TRIM2: variants seen among roughly 807,000 people sequenced by gnomAD.
TRIM2 encodes tripartite motif containing 2, also known as tripartite motif-containing protein 2.
Under a neutral mutation model 75.2 loss-of-function variants are expected in TRIM2, and 20 were observed. The observed-to-expected ratio is 0.27, with a 90% CI of 0.19 to 0.39. The LOEUF (loss-of-function observed/expected upper bound fraction) is 0.39. Ranked by LOEUF, TRIM2 falls within the 10% of genes least tolerant of loss-of-function variation. TRIM2 has a pLI of 1.00. For synonymous variants in TRIM2, 373 were observed against 388.3 expected (o/e 0.96, Z 0.46); for missense variants, 660 against 990.8 (o/e 0.67, Z 4.48).
chr4:153,319,964 C>G (rs1768570618), intron 8 of TRIM2, among the ~76,000 whole-genome samples: 1 of 152,078 alleles, frequency 6.6e-6, no homozygotes, highest in African/African-American at 2.4e-5. Context: ...TTTATTTTCT[C>G]TTTTTATTCT....
intron 3 of TRIM2, among the ~76,000 whole-genome samples, chr4:153,291,049 A>G (rs1761751835): frequency 6.6e-6 from 1 of 151,726 alleles, no homozygotes; most frequent in Admixed American, 6.5e-5. Flanking sequence ...TGACAAAAAA[A>G]AAAGTGTCTT....
At chr4:153,212,411 AG>A (rs1254123376) in intron 1 of TRIM2, among the ~76,000 whole-genome samples, 1 of 152,242 alleles carries the variant, frequency 6.6e-6, no homozygotes, top group Non-Finnish European at 1.5e-5. Flanking sequence ...AAGGGGATAA[AG>A]GATGAAATAT....
intron 8 of TRIM2, among the ~76,000 whole-genome samples, chr4:153,318,484 A>G (rs1768186720): frequency 6.6e-6 from 1 of 152,132 alleles, no homozygotes; most frequent in African/African-American, 2.4e-5. Context: ...CTGTATGATG[A>G]CCACATATAT....
In TRIM2 at chr4:153,338,223, C is replaced by T. The variant is rs975678810; in HGVS notation, c.*3257C>T. The T allele has an allele frequency of 2.3e-5, 23 of 985,646 alleles. No individual in the cohort carries two copies. The highest frequency in any genetic ancestry group is 1.4e-4 in the African/African-American group (8 of 57,202). The allele number at this position is 985,646 out of a possible 1,614,324, so 61.1% of individuals were successfully genotyped here. A position where few individuals can be genotyped will look rare whatever the true frequency, so the allele number is the denominator to read the frequency against. On this transcript the variant is annotated 3_prime_UTR_variant, in exon 12 of 12. Coordinates refer to ENST00000338700, the MANE Select transcript of TRIM2 (RefSeq NM_015271.5). Reference sequence around the variant, plus strand: ...AGTATCTGTGAATCCTTAGCACTGACGGGTTAACAGAAATGCTTTGGTAAT... The same window carrying T: ...AGTATCTGTGAATCCTTAGCACTGATGGGTTAACAGAAATGCTTTGGTAAT...
intron 6 of TRIM2, among the ~76,000 whole-genome samples, chr4:153,312,732 G>A (rs538394459): frequency 2.1e-3 from 319 of 152,158 alleles, no homozygotes; most frequent in Non-Finnish European, 3.8e-3. Flanking sequence ...ACTATAAATC[G>A]TGCTGCTATA....
chr4:153,214,195 T>G (rs534677614), intron 1 of TRIM2, among the ~76,000 whole-genome samples: 2 of 152,216 alleles, frequency 1.3e-5, no homozygotes, highest in Non-Finnish European at 2.9e-5. Flanking sequence ...ATAACACTGA[T>G]TGATCATGCT....
At chr4:153,301,592 A>T (rs1763938833) in intron 6 of TRIM2, among the ~76,000 whole-genome samples, 1 of 152,028 alleles carries the variant, frequency 6.6e-6, no homozygotes, top group Non-Finnish European at 1.5e-5. Flanking sequence ...CTTTTTCCCT[A>T]TGTTTTCTGC....
intron 1 of TRIM2, among the ~76,000 whole-genome samples, chr4:153,199,223 T>C (rs965153637): frequency 4.6e-5 from 7 of 152,190 alleles, no homozygotes; most frequent in Admixed American, 4.6e-4. Flanking sequence ...GTTTTCAAAG[T>C]CTCCTCTTCC....
chr4:153,264,002 A>G (rs1754278825), intron 1 of TRIM2, among the ~76,000 whole-genome samples: 1 of 152,202 alleles, frequency 6.6e-6, no homozygotes, highest in Non-Finnish European at 1.5e-5. Context: ...AGGGACACAG[A>G]CATGGAGTCT....
At chr4:153,196,999 C>T (rs755221343) in intron 1 of TRIM2, among the ~76,000 whole-genome samples, 35 of 152,036 alleles carry the variant, frequency 2.3e-4, no homozygotes, top group Non-Finnish European at 4.0e-4. Flanking sequence ...ATATGCAGAC[C>T]GAGCAAAAAA....
intron 8 of TRIM2, among the ~76,000 whole-genome samples, chr4:153,320,588 T>C (rs1453295797): frequency 3.9e-5 from 6 of 152,176 alleles, no homozygotes; most frequent in African/African-American, 1.4e-4. Flanking sequence ...ACTACACTCA[T>C]TGTTCCTTAC....
chr4:153,287,513 T>A (rs895207410), intron 3 of TRIM2, among the ~76,000 whole-genome samples: 3 of 152,224 alleles, frequency 2.0e-5, no homozygotes, highest in African/African-American at 7.2e-5. Flanking sequence ...ATTCCTCCAT[T>A]ACTGCCTTCT....
At chr4:153,215,596 T>A (rs1738269853) in intron 1 of TRIM2, among the ~76,000 whole-genome samples, 3 of 152,138 alleles carry the variant, frequency 2.0e-5, no homozygotes, top group Non-Finnish European at 4.4e-5. Context: ...CCTGTTACTA[T>A]CCCTTTGTGA....
In TRIM2 at chr4:153,261,643, A is replaced by T. The variant is rs531233777; in HGVS notation, c.31-8692A>T. Among the ~76,000 whole-genome samples, 3 of 152,292 alleles carry T rather than the reference A, an allele frequency of 2.0e-5. No individual in the cohort carries two copies. In the South Asian group the frequency reaches 6.2e-4, roughly 32 times the overall value. Reference sequence around the variant, plus strand: ...CCTCTGTTACCCTACCACATTCCCTACAACAGGCAAACAAGATTTTGCCAG... The same window carrying T: ...CCTCTGTTACCCTACCACATTCCCTTCAACAGGCAAACAAGATTTTGCCAG... On this transcript the variant is annotated intron_variant, in intron 1 of 11. Transcript: ENST00000338700.
chr4:153,338,954 T>G lies in TRIM2; in HGVS notation c.*3988T>G, dbSNP rs1278268158. On this transcript the variant is annotated 3_prime_UTR_variant, in exon 12 of 12. Coordinates refer to ENST00000338700, the MANE Select transcript of TRIM2 (RefSeq NM_015271.5). ...AAGCCTATGTATGAATATGAAGGGG[T>G]TTTTTTTTTTTGCTTTGTTTTCTTT... 5.8e-6 allele frequency: 2 copies of G among 345,450 alleles called. No homozygotes were observed. Among genetic ancestry groups the G allele is most frequent in the East Asian group, 2.3e-4 (1 of 4,312 alleles). 21.4% of individuals were successfully genotyped at this position (345,450 alleles called of 1,614,324 possible).
chr4:153,272,660 AG>A (rs34517044), intron 2 of TRIM2, among the ~76,000 whole-genome samples: 1 of 151,438 alleles, frequency 6.6e-6, no homozygotes, highest in Non-Finnish European at 1.5e-5. Context: ...CTATAGAGAC[AG>A]GGTTTCTCCA....
chr4:153,230,071 C>T (rs575405249), intron 1 of TRIM2, among the ~76,000 whole-genome samples: 3 of 152,240 alleles, frequency 2.0e-5, no homozygotes, highest in East Asian at 3.8e-4. Flanking sequence ...CACCCCTGCC[C>T]GTGTCCTAGA....
At chr4:153,169,561 T>G (rs887980463) in intron 1 of TRIM2, among the ~76,000 whole-genome samples, 1 of 152,218 alleles carries the variant, frequency 6.6e-6, no homozygotes, top group Non-Finnish European at 1.5e-5. Flanking sequence ...TTCTGGCATA[T>G]TTCAAGTTTT....
intron 6 of TRIM2, among the ~76,000 whole-genome samples, chr4:153,313,019 A>G (rs1766701132): frequency 6.6e-6 from 1 of 152,138 alleles, no homozygotes. Flanking sequence ...GAAATATATA[A>G]GCAACGTTAG....
Sources: gnomAD v4.1 joint callset for allele counts (sites outside exome capture counted in the v4.1 genomes callset) on GRCh38, gnomAD v4.1.1 for gene constraint, MANE v1.5 for transcripts, NCBI Gene and HGNC (gene_info 2026-07-23, HGNC 2026-07-21) for gene names.